The following ARID1B variants were observed in gnomAD, a reference collection of about 807,000 sequenced individuals.
ARID1B encodes the protein AT-rich interaction domain 1B.
Under a neutral mutation model 212.3 loss-of-function variants are expected in ARID1B, and 30 were observed. That is an observed-to-expected ratio of 0.14 (90% CI 0.11 to 0.19). The LOEUF is 0.19. ARID1B is among the 10% of genes least tolerant of loss of function. The pLI is 1.00. For synonymous variants in ARID1B, 1,402 were observed against 1,301.7 expected (o/e 1.08, Z -1.66); for missense variants, 2,891 against 3,204.0 (o/e 0.90, Z 2.36).
At chr6:157,084,637 A>G (rs769363571) in intron 4 of ARID1B, 25 bp from the exon 5 acceptor site, 9 of 1,611,634 alleles carry the variant, frequency 5.6e-6, no homozygotes, top group Admixed American at 3.3e-5. Flanking sequence ...GTGTCACTCT[A>G]TAAATACATC....
At chr6:157,018,160 G>C (rs1033315154) in intron 4 of ARID1B, among the ~76,000 whole-genome samples, 5 of 145,526 alleles carry the variant, frequency 3.4e-5, no homozygotes, top group Admixed American at 3.4e-4. Flanking sequence ...TAAGTAAAAT[G>C]GAAACTGACT....
rs902679026 is a variant in ARID1B at position 157,189,696 on chromosome 6, C to T, written c.3974C>T (p.Ser1325Phe). 1.2e-6 allele frequency: 2 copies of T among 1,613,880 alleles called. No homozygotes were observed. The highest frequency in any genetic ancestry group is 1.7e-6 in the Non-Finnish European group (2 of 1,180,028). The change falls in exon 14 of 20, where the codon TCC (serine) becomes TTC (phenylalanine). Residue 1325 changes from serine to phenylalanine, a missense_variant. Ser to Phe is a radical substitution (Grantham distance 155). Coordinates refer to ENST00000636930, the MANE Select transcript of ARID1B (RefSeq NM_001374828.1). ...PQTPQSTGSNSMAEVPGDLKP... is the reference protein window; with the variant it reads ...PQTPQSTGSNFMAEVPGDLKP... ...ACCCCCCAGTCAACTGGCAGCAATT[C>T]CATGGCAGAGGTTCCAGGTGACCTG...
At position 156,955,434 on chromosome 6, in the gene ARID1B, T is replaced by C. The variant is rs1237312258; in HGVS notation, c.2247+19858T>C. ...GCTAGGTGGGGATCCAGAACAACGC[T>C]ATAGTCCTTTCTGTATATGTTATAG... On this transcript the variant is annotated intron_variant, in intron 4 of 19. Transcript: ENST00000636930. This position sits in a 1 kb window ranked among gnomAD's most constrained non-coding sequence, Gnocchi z 4.2. 6.6e-6 allele frequency among the ~76,000 whole-genome samples: 1 copy of C among 152,226 alleles called. No homozygotes were observed. Among genetic ancestry groups the C allele is most frequent in the Non-Finnish European group, 1.5e-5 (1 of 68,040 alleles).
chr6:157,171,554 G>A (rs1460567015), intron 9 of ARID1B, among the ~76,000 whole-genome samples: 1 of 152,172 alleles, frequency 6.6e-6, no homozygotes, highest in Non-Finnish European at 1.5e-5. Flanking sequence ...CCACAGTAAG[G>A]AAAGAGCTTC....
chr6:156,895,754 A>C lies in ARID1B; in HGVS notation c.1987-5622A>C, dbSNP rs533297881. On this transcript the variant is annotated intron_variant, in intron 2 of 19. Coordinates refer to ENST00000636930, the MANE Select transcript of ARID1B (RefSeq NM_001374828.1). ...GGTGTATACACACACACACACACAC[A>C]CCCACATACACACAGTATATATAGG... Among the ~76,000 whole-genome samples the C allele has an allele frequency of 5.8e-4, 88 of 151,290 alleles. 1 individual carries two copies. The highest frequency in any genetic ancestry group is 3.1e-3 in the East Asian group (16 of 5,190).
At chr6:157,017,721 A>G (rs534919573) in intron 4 of ARID1B, among the ~76,000 whole-genome samples, 12 of 152,278 alleles carry the variant, frequency 7.9e-5, no homozygotes, top group Non-Finnish European at 1.5e-4. Context: ...TCCATGAGTA[A>G]AGAAGGCCTC....
At chr6:156,803,139 C>T (rs150545984) in intron 1 of ARID1B, among the ~76,000 whole-genome samples, 160 of 152,138 alleles carry the variant, frequency 1.1e-3, no homozygotes, top group Middle Eastern at 0.01. Context: ...ATACAACTTC[C>T]AAGCAACGAT....
chr6:157,135,757 C>A (rs1788860508), intron 7 of ARID1B, among the ~76,000 whole-genome samples: 1 of 152,154 alleles, frequency 6.6e-6, no homozygotes, highest in African/African-American at 2.4e-5. Context: ...TCTTTGTTAT[C>A]CTTTTAGAAA....
At chr6:156,940,796 C>G (rs1236414725) in intron 4 of ARID1B, 4 of 152,150 alleles carry the variant, frequency 2.6e-5, no homozygotes, top group Non-Finnish European at 5.9e-5. Flanking sequence ...TGATTGGAAA[C>G]TACCGGGAAA....
intron 3 of ARID1B, among the ~76,000 whole-genome samples, chr6:156,924,619 C>T (rs1405059635): frequency 6.6e-6 from 1 of 152,110 alleles, no homozygotes; most frequent in Non-Finnish European, 1.5e-5. Context: ...GAATTTTTTC[C>T]CTTTAATATT....
chr6:157,043,398 CT>C, intron 4 of ARID1B, among the ~76,000 whole-genome samples: 1 of 152,292 alleles, frequency 6.6e-6, no homozygotes, highest in Admixed American at 6.5e-5. Flanking sequence ...TTCTCACTGC[CT>C]TTAGGACTCA....
chr6:157,012,115 G>A (rs1191738097), intron 4 of ARID1B, among the ~76,000 whole-genome samples: 1 of 152,216 alleles, frequency 6.6e-6, no homozygotes, highest in Non-Finnish European at 1.5e-5. Context: ...CAACAGCTGA[G>A]GGAGTTTTAC....
intron 7 of ARID1B, among the ~76,000 whole-genome samples, chr6:157,136,150 A>C (rs1213051558): frequency 6.6e-6 from 1 of 152,196 alleles, no homozygotes; most frequent in African/African-American, 2.4e-5. Flanking sequence ...TTATTACTCC[A>C]CTTTACAGAG....
intron 1 of ARID1B, among the ~76,000 whole-genome samples, chr6:156,810,016 G>T (rs1035408944): frequency 2.0e-5 from 3 of 152,200 alleles, no homozygotes; most frequent in Non-Finnish European, 4.4e-5. Flanking sequence ...GGGAGGTGAA[G>T]ACTGTCAGGT....
intron 4 of ARID1B, among the ~76,000 whole-genome samples, chr6:157,018,370 T>A (rs1368355959): frequency 6.6e-6 from 1 of 152,026 alleles, no homozygotes; most frequent in Non-Finnish European, 1.5e-5. Flanking sequence ...CATGTGCCAC[T>A]ACACCCAGCT....
intron 1 of ARID1B, among the ~76,000 whole-genome samples, chr6:156,780,140 C>A (rs1779139416): frequency 6.6e-6 from 1 of 152,168 alleles, no homozygotes; most frequent in African/African-American, 2.4e-5. Flanking sequence ...TTGTAAAATA[C>A]ATCGATTCGT....
chr6:157,080,661 C>G (rs1433319844), intron 4 of ARID1B, among the ~76,000 whole-genome samples: 1 of 152,160 alleles, frequency 6.6e-6, no homozygotes, highest in African/African-American at 2.4e-5. Flanking sequence ...TTTCTCTTGT[C>G]AAAGTCTGAT....
At chr6:157,028,791 A>T (rs903589810) in intron 4 of ARID1B, among the ~76,000 whole-genome samples, 2 of 152,204 alleles carry the variant, frequency 1.3e-5, no homozygotes, top group African/African-American at 4.8e-5. Flanking sequence ...GAGTGCCGCT[A>T]TTCTTCTGTA....
chr6:157,108,706 A>G (rs1786670619), intron 5 of ARID1B, among the ~76,000 whole-genome samples: 1 of 152,200 alleles, frequency 6.6e-6, no homozygotes, highest in Non-Finnish European at 1.5e-5. Context: ...TTTACTTTAC[A>G]TTTAATTATT....
Sources: gnomAD v4.1 joint callset for allele counts (sites outside exome capture counted in the v4.1 genomes callset) on GRCh38, gnomAD v4.1.1 for gene constraint, Gnocchi (gnomAD v3.1) non-coding constraint, MANE v1.5 for transcripts, NCBI Gene and HGNC (gene_info 2026-07-23, HGNC 2026-07-21) for gene names.